ADGRV1: variants seen among roughly 807,000 people sequenced by gnomAD.
The protein encoded by ADGRV1 is G-protein coupled receptor 98.
A neutral mutation model predicts 596.2 loss-of-function variants in ADGRV1; 359 were observed. The ratio of observed to expected loss-of-function variants is 0.60; its 90% confidence interval spans 0.55 to 0.66. ADGRV1 has a LOEUF of 0.66. Among genes scored for constraint, ADGRV1 ranks in the 30% least tolerant of loss-of-function variants. The pLI is 0.00. For missense variants in ADGRV1, 7,274 were observed against 7,575.6 expected, an observed-to-expected ratio of 0.96 and a Z score of 1.48; for synonymous variants, 2,681 against 2,679.2, an observed-to-expected ratio of 1.00 and a Z score of -0.02.
intron 1 of ADGRV1, among the ~76,000 whole-genome samples, chr5:90,560,697 A>G (rs1434867147): frequency 6.6e-6 from 1 of 152,168 alleles, no homozygotes; most frequent in Non-Finnish European, 1.5e-5. Context: ...TTAAATATAT[A>G]AGTGCTGTAT....
intron 78 of ADGRV1, among the ~76,000 whole-genome samples, chr5:90,846,978 A>G (rs549595971): frequency 3.9e-5 from 6 of 152,342 alleles, no homozygotes; most frequent in African/African-American, 1.2e-4. Context: ...CAGAGTGTCA[A>G]TTGGTGTATT....
intron 15 of ADGRV1, 141 bp from the exon 16 acceptor site, chr5:90,645,826 AG>A: frequency 1.9e-6 from 1 of 516,610 alleles, no homozygotes; most frequent in Non-Finnish European, 3.0e-6. Context: ...TGAATGTGTT[AG>A]GGGAAGTTCT....
At chr5:90,858,482 T>G (rs1213596262) in intron 82 of ADGRV1, among the ~76,000 whole-genome samples, 2 of 152,102 alleles carry the variant, frequency 1.3e-5, no homozygotes, top group African/African-American at 4.8e-5. Flanking sequence ...TAATCTTTTT[T>G]TTTTGAGACA....
At position 90,647,314 on chromosome 5, in the gene ADGRV1, A is replaced by T. The variant is rs1203063422; in HGVS notation, c.3023-184A>T. Reference sequence around the variant, plus strand: ...ATTTTTGTAGGATTAAGGCAAGAGGATGGCCATTGACTGTTGAAATAATCA... The same window carrying T: ...ATTTTTGTAGGATTAAGGCAAGAGGTTGGCCATTGACTGTTGAAATAATCA... On this transcript the variant is annotated intron_variant, in intron 16 of 89. Coordinates refer to ENST00000405460, the MANE Select transcript of ADGRV1 (RefSeq NM_032119.4). 2.0e-5 allele frequency among the ~76,000 whole-genome samples: 3 copies of T among 152,326 alleles called. No homozygotes were observed. In the East Asian group the frequency reaches 5.8e-4, roughly 29 times the overall value.
At chr5:90,645,645 CAT>C (rs1767643689) in intron 15 of ADGRV1, among the ~76,000 whole-genome samples, 1 of 152,190 alleles carries the variant, frequency 6.6e-6, no homozygotes. Flanking sequence ...TAAAAATCAA[CAT>C]GTCTCCCATT....
At position 90,614,982 on chromosome 5, in the gene ADGRV1, G is replaced by T; in HGVS notation, c.170G>T (p.Arg57Met). ...STTVIRLIIE[R>M]IGEPANVTAI... is the part of the protein sequence containing the mutation. ...ACAGTTATTCGTCTTATCATTGAAAGGATAGGAGAGCCAGCAAATGTTACT... is the reference window on the plus strand; with the variant it reads ...ACAGTTATTCGTCTTATCATTGAAATGATAGGAGAGCCAGCAAATGTTACT... Residue 57 changes from arginine to methionine, a missense_variant, in exon 2 of 90, where the codon AGG becomes ATG. By Grantham distance (91) the Arg-to-Met change is moderately conservative. Coordinates refer to ENST00000405460, the MANE Select transcript of ADGRV1 (RefSeq NM_032119.4). 6.6e-7 allele frequency: 1 copy of T among 1,514,376 alleles called. No homozygotes were observed. The highest frequency in any genetic ancestry group is 2.3e-5 in the East Asian group (1 of 42,734). 93.8% of individuals were successfully genotyped at this position (1,514,376 alleles called of 1,614,324 possible).
At chr5:90,648,270 A>G (rs1334453429) in intron 17 of ADGRV1, among the ~76,000 whole-genome samples, 3 of 152,234 alleles carry the variant, frequency 2.0e-5, no homozygotes, top group African/African-American at 7.2e-5. Context: ...GTCCTTCTCC[A>G]TACTGTAAAT....
chr5:91,030,893 T>C (rs1017540852), intron 85 of ADGRV1: 1 of 526,198 alleles, frequency 1.9e-6, no homozygotes, highest in Non-Finnish European at 3.2e-6. Context: ...CACCACAATT[T>C]CCTGAGATCT....
intron 87 of ADGRV1, among the ~76,000 whole-genome samples, chr5:91,115,942 A>G (rs1349613520): frequency 8.5e-6 from 1 of 117,046 alleles, no homozygotes. Context: ...GTGAGCTTCC[A>G]TCTAAAACAA....
At chr5:90,634,812 G>C (rs200224804) in intron 9 of ADGRV1, among the ~76,000 whole-genome samples, 3 of 147,586 alleles carry the variant, frequency 2.0e-5, no homozygotes, top group Non-Finnish European at 4.5e-5. Flanking sequence ...GTGGCAGTTA[G>C]TTATAATGAT....
At chr5:90,878,454 C>A (rs115394291) in intron 83 of ADGRV1, among the ~76,000 whole-genome samples, 522 of 152,276 alleles carry the variant, frequency 3.4e-3, no homozygotes, top group African/African-American at 0.012. Context: ...AATTCGAAGG[C>A]TAACGTTAAG....
intron 85 of ADGRV1, among the ~76,000 whole-genome samples, chr5:91,017,132 G>C (rs1187125761): frequency 1.3e-5 from 2 of 151,926 alleles, no homozygotes; most frequent in African/African-American, 2.4e-5. Flanking sequence ...TGTGACTCAT[G>C]AAGAGCCTTG....
chr5:90,661,739 G>C (rs1270607993), intron 21 of ADGRV1, among the ~76,000 whole-genome samples: 1 of 152,098 alleles, frequency 6.6e-6, no homozygotes, highest in Admixed American at 6.6e-5. Context: ...GTTTGGGGAT[G>C]GTTTGATGAT....
rs533462870 is a variant in ADGRV1, at chr5:90,614,308, TG to T, written c.23-526del. 2,064 of 316,366 alleles carry T rather than the reference TG, an allele frequency of 6.5e-3. 38 individuals carry two copies. Among genetic ancestry groups the T allele is most frequent in the Middle Eastern group, 0.038 (97 of 2,522 alleles). The allele number at this position is 316,366 out of a possible 1,614,324, so 19.6% of individuals were successfully genotyped here. ...AAGTCCTGGAAATTTATCCCTTCTT[TG>T]AAAGGATTAGAATTTCTTTGCAATA... On this transcript the variant is annotated intron_variant, in intron 1 of 89. Transcript: ENST00000405460.
chr5:91,087,745 C>A (rs1357891430), intron 86 of ADGRV1, among the ~76,000 whole-genome samples: 1 of 152,206 alleles, frequency 6.6e-6, no homozygotes. Context: ...TCACAATCCA[C>A]AAAACCTTAT....
chr5:91,120,637 C>T (rs1793231507), intron 87 of ADGRV1, among the ~76,000 whole-genome samples: 1 of 152,080 alleles, frequency 6.6e-6, no homozygotes, highest in Non-Finnish European at 1.5e-5. Flanking sequence ...ATGATCCATC[C>T]CCTTGAGTGA....
At chr5:90,623,918 T>G (rs889934338) in intron 5 of ADGRV1, among the ~76,000 whole-genome samples, 3 of 152,242 alleles carry the variant, frequency 2.0e-5, no homozygotes, top group East Asian at 3.8e-4. Context: ...TGCTGTTCTA[T>G]GAGATACACA....
At chr5:90,673,598 G>A (rs898311302) in intron 22 of ADGRV1, among the ~76,000 whole-genome samples, 5 of 152,046 alleles carry the variant, frequency 3.3e-5, no homozygotes, top group Non-Finnish European at 5.9e-5. Flanking sequence ...TCTGTGTCTG[G>A]TGAGGGCTTA....
At chr5:90,986,258 G>A (rs1780496245) in intron 85 of ADGRV1, among the ~76,000 whole-genome samples, 1 of 151,440 alleles carries the variant, frequency 6.6e-6, no homozygotes, top group Non-Finnish European at 1.5e-5. Context: ...ATAAGGAAGA[G>A]AAAAAGTAGA....
Sources: gnomAD v4.1 joint callset for allele counts (sites outside exome capture counted in the v4.1 genomes callset) on GRCh38, gnomAD v4.1.1 for gene constraint, MANE v1.5 for transcripts, NCBI Gene and HGNC (gene_info 2026-07-23, HGNC 2026-07-21) for gene names.